The following CLEC12A variants were observed in gnomAD, a reference collection of about 807,000 sequenced individuals.
CLEC12A encodes C-type lectin domain family 12 member A, also known as C-type lectin protein CLL-1.
CLEC12A carries 22 observed loss-of-function variants against 26.5 expected under a neutral mutation model. The ratio of observed to expected loss-of-function variants is 0.83; its 90% CI spans 0.59 to 1.19. CLEC12A has a LOEUF of 1.19. Among genes scored for constraint, CLEC12A ranks in the 50% most tolerant of loss-of-function variants. The pLI is 0.00. For synonymous variants in CLEC12A, 119 were observed against 101.9 expected (o/e 1.17, Z -1.01); for missense variants, 353 against 315.6 (o/e 1.12, Z -0.90).
intron 1 of CLEC12A, among the ~76,000 whole-genome samples, chr12:9,963,666 A>C (rs1375025729): frequency 1.3e-5 from 2 of 152,168 alleles, no homozygotes; most frequent in Non-Finnish European, 2.9e-5. Flanking sequence ...AGTAAGGAAA[A>C]CTAGTGTGCA....
At chr12:9,996,339 T>C (rs925548630), downstream of CLEC12A, among the ~76,000 whole-genome samples, 5 of 152,230 alleles carry the variant, frequency 3.3e-5, no homozygotes, top group Non-Finnish European at 5.9e-5. Context: ...TAGTTATAAA[T>C]CTTCAACCTG....
downstream of CLEC12A, among the ~76,000 whole-genome samples, chr12:9,986,389 G>C (rs1387920786): frequency 7.2e-6 from 1 of 138,926 alleles, no homozygotes; most frequent in Non-Finnish European, 1.5e-5. Context: ...AGTATTAAAT[G>C]TTTTCCTTTG....
intron 1 of CLEC12A, among the ~76,000 whole-genome samples, chr12:9,964,506 A>C (rs1434041429): frequency 6.6e-6 from 1 of 152,162 alleles, no homozygotes; most frequent in African/African-American, 2.4e-5. Flanking sequence ...AGTAAAGAAT[A>C]GAACTTCATC....
downstream of CLEC12A, chr12:9,996,713 G>A (rs1865056698): frequency 2.3e-6 from 2 of 883,590 alleles, no homozygotes; most frequent in South Asian, 1.3e-5. Context: ...TTCTTACTAG[G>A]TTTCACAAGG....
downstream of CLEC12A, chr12:9,996,973 G>A: frequency 6.2e-7 from 1 of 1,614,070 alleles, no homozygotes; most frequent in Non-Finnish European, 8.5e-7. Context: ...TCTCCAGTTT[G>A]TGTCACAGGG....
the CLEC12A span, among the ~76,000 whole-genome samples, chr12:10,004,919 C>T: frequency 6.7e-6 from 1 of 150,164 alleles, no homozygotes; most frequent in African/African-American, 2.4e-5. Flanking sequence ...TCCCCACTCC[C>T]CCGACCCCAC....
In CLEC12A at chr12:9,985,158, T is replaced by G. The variant is rs1326660977; in HGVS notation, c.*132T>G. On this transcript the variant is annotated 3_prime_UTR_variant, in exon 6 of 6. Transcript: ENST00000304361. Reference sequence around the variant, plus strand: ...GGGATTTTATCATGCAGATGAAACATCCAGGTAGCAAGCTTCAGAGAGAAT... The same window carrying G: ...GGGATTTTATCATGCAGATGAAACAGCCAGGTAGCAAGCTTCAGAGAGAAT... 9.7e-7 allele frequency: 1 copy of G among 1,025,734 alleles called. No homozygotes were observed. Among genetic ancestry groups the G allele is most frequent in the African/African-American group, 1.7e-5 (1 of 60,222 alleles). The allele number at this position is 1,025,734 out of a possible 1,614,324, so 63.5% of individuals were successfully genotyped here. A position where few individuals can be genotyped will look rare whatever the true frequency, so the allele number is the denominator to read the frequency against.
chr12:9,997,319 A>G (rs753895219), downstream of CLEC12A: 14 of 1,565,092 alleles, frequency 8.9e-6, no homozygotes, highest in Non-Finnish European at 1.2e-5. Flanking sequence ...TGTAATTAGA[A>G]CCATAGAAAT....
At chr12:9,985,701 GA>G (rs1043256256), downstream of CLEC12A, 27 of 374,124 alleles carry the variant, frequency 7.2e-5, no homozygotes, top group Middle Eastern at 6.8e-4. Context: ...GCATTGTTCT[GA>G]AAAAAAATAT....
intron 4 of CLEC12A, 61 bp from the exon 5 acceptor site, chr12:9,981,959 A>G (rs1864574943): frequency 2.5e-6 from 2 of 807,680 alleles, no homozygotes; most frequent in South Asian, 1.6e-5. Flanking sequence ...AAATTACATT[A>G]TAATGTAAAA....
downstream of CLEC12A, among the ~76,000 whole-genome samples, chr12:9,987,309 C>T (rs1864788855): frequency 6.6e-6 from 1 of 152,038 alleles, no homozygotes; most frequent in Non-Finnish European, 1.5e-5. Flanking sequence ...TTTTGGGCAC[C>T]ATCATTTTTA....
intron 4 of CLEC12A, among the ~76,000 whole-genome samples, chr12:9,981,114 T>G (rs1864540596): frequency 6.6e-6 from 1 of 152,212 alleles, no homozygotes; most frequent in Non-Finnish European, 1.5e-5. Flanking sequence ...GAATATGTTT[T>G]GTTTCTACCA....
At chr12:9,951,840 C>T (rs753493330) in intron 1 of CLEC12A, 1 of 169,886 alleles carries the variant, frequency 5.9e-6, no homozygotes, top group Non-Finnish European at 1.3e-5. Context: ...CATCTCTACC[C>T]GTATCACGCT....
chr12:10,002,808 T>C, the CLEC12A span, among the ~76,000 whole-genome samples: 158 of 152,326 alleles, frequency 1.0e-3, 1 homozygote, highest in African/African-American at 3.7e-3. Context: ...GTTTCTAAAT[T>C]CTTTCGACTA....
chr12:9,963,036 G>C (rs988236808), intron 1 of CLEC12A, among the ~76,000 whole-genome samples: 1 of 152,132 alleles, frequency 6.6e-6, no homozygotes, highest in African/African-American at 2.4e-5. Context: ...ATGCTAAGGG[G>C]TGATATTGTG....
At chr12:9,961,343 A>G (rs1863826452) in intron 1 of CLEC12A, among the ~76,000 whole-genome samples, 4 of 152,320 alleles carry the variant, frequency 2.6e-5, no homozygotes, top group African/African-American at 7.2e-5. Context: ...GAGGGAGTCC[A>G]TTCAGATGGT....
At chr12:9,985,922 T>TTTTTTTTTTTTTTTTTTTTGA (rs1555143653), downstream of CLEC12A, 1 of 166,640 alleles carries the variant, frequency 6.0e-6, no homozygotes, top group Non-Finnish European at 1.3e-5. Flanking sequence ...TAGGCATTTT[T>TTTTTTTTTTTTTTTTTTTTGA]GTAACCCCTC....
chr12:9,997,058 T>C (rs582968), downstream of CLEC12A: 907,332 of 1,608,550 alleles, frequency 0.56, 258,401 homozygotes, highest in East Asian at 0.71. Flanking sequence ...TACATTTTCT[T>C]CACATTCAAT....
chr12:9,994,521 A>C (rs1421343534), intron 4 of CLEC12A, among the ~76,000 whole-genome samples: 1 of 152,154 alleles, frequency 6.6e-6, no homozygotes, highest in Non-Finnish European at 1.5e-5. Flanking sequence ...TGAACAAAAG[A>C]TGTTGAGACT....
Sources: allele counts gnomAD v4.1 joint callset (sites outside exome capture counted in the v4.1 genomes callset), GRCh38; gene constraint gnomAD v4.1.1; transcripts MANE v1.5; gene names NCBI Gene and HGNC (gene_info 2026-07-23, HGNC 2026-07-21).